The following SLC30A7 variants were observed in gnomAD, a reference collection of about 807,000 sequenced individuals.
The protein encoded by SLC30A7 is solute carrier family 30 member 7.
SLC30A7 carries 35 observed loss-of-function variants against 46.0 expected under a neutral mutation model. The observed-to-expected ratio is 0.76, with a 90% CI of 0.58 to 1.01. The LOEUF (loss-of-function observed/expected upper bound fraction) is 1.01. Ranked by LOEUF, SLC30A7 falls within the 50% of genes least tolerant of loss-of-function variation. SLC30A7 has a pLI of 0.00. For missense variants in SLC30A7, 464 were observed against 451.1 expected (o/e 1.03, Z -0.26); for synonymous variants, 147 against 157.8 (o/e 0.93, Z 0.51).
downstream of SLC30A7, among the ~76,000 whole-genome samples, chr1:100,982,125 C>T (rs1406382347): frequency 1.3e-5 from 2 of 152,220 alleles, no homozygotes; most frequent in Non-Finnish European, 2.9e-5. Flanking sequence ...AAATTTTTCC[C>T]TCTGATTAGA....
rs532343819 is a variant in SLC30A7, at chr1:100,975,428, T to C, written c.*571T>C. The C allele has an allele frequency of 6.5e-6, 1 of 152,708 alleles. No homozygotes were observed. Among genetic ancestry groups the C allele is most frequent in the African/African-American group, 2.4e-5 (1 of 41,478 alleles). The allele number at this position is 152,708 out of a possible 1,614,324, so 9.5% of individuals were successfully genotyped here. On this transcript the variant is annotated 3_prime_UTR_variant, in exon 11 of 11. Transcript: ENST00000357650. ...AAATTGTTTGTACCTTGCAAACTTATGAACCAAACCATATTGGGTTTTCAA... is the reference window on the plus strand; with the variant it reads ...AAATTGTTTGTACCTTGCAAACTTACGAACCAAACCATATTGGGTTTTCAA...
At chr1:100,942,437 A>G (rs1557996369) in intron 8 of SLC30A7, among the ~76,000 whole-genome samples, 1 of 152,222 alleles carries the variant, frequency 6.6e-6, no homozygotes, top group Admixed American at 6.5e-5. Flanking sequence ...CTCTATGGAA[A>G]AAACACTCAA....
At chr1:100,906,682 A>C (rs77463911) in intron 2 of SLC30A7, among the ~76,000 whole-genome samples, 170 bp from the exon 3 acceptor site, 2,040 of 152,188 alleles carry the variant, frequency 0.013, 55 homozygotes, top group African/African-American at 0.045. Flanking sequence ...ACGAGGGTTT[A>C]CTTTTTAGAT....
At chr1:100,932,701 C>A (rs1179921924) in intron 8 of SLC30A7, among the ~76,000 whole-genome samples, 1 of 151,924 alleles carries the variant, frequency 6.6e-6, no homozygotes, top group Non-Finnish European at 1.5e-5. Flanking sequence ...TTAGAGTGTT[C>A]TAGAGAAGTG....
chr1:100,973,512 T>G (rs983698901), intron 10 of SLC30A7, among the ~76,000 whole-genome samples: 5 of 152,144 alleles, frequency 3.3e-5, no homozygotes, highest in African/African-American at 1.2e-4. Context: ...GAGTCAGCAA[T>G]GTAAAGAAGA....
chr1:100,971,944 C>T (rs902822993), intron 10 of SLC30A7, among the ~76,000 whole-genome samples: 1 of 152,076 alleles, frequency 6.6e-6, no homozygotes, highest in Non-Finnish European at 1.5e-5. Flanking sequence ...CCTATAGCAC[C>T]AGGTTAACAT....
intron 6 of SLC30A7, 48 bp from the exon 7 acceptor site, chr1:100,918,029 T>G: frequency 6.6e-7 from 1 of 1,514,486 alleles, no homozygotes. Context: ...TGTAAAAACT[T>G]GAATGAGGAA....
intron 2 of SLC30A7, among the ~76,000 whole-genome samples, chr1:100,902,445 G>T (rs952553251): frequency 5.9e-4 from 90 of 151,920 alleles, no homozygotes; most frequent in African/African-American, 2.0e-3. Context: ...TTTATGTTGG[G>T]TGCATATAAA....
At chr1:100,943,215 T>G (rs527458347) in intron 8 of SLC30A7, among the ~76,000 whole-genome samples, 2 of 152,332 alleles carry the variant, frequency 1.3e-5, no homozygotes, top group African/African-American at 4.8e-5. Flanking sequence ...TGCTTCTGAC[T>G]GACCGGCTAT....
chr1:100,929,518 T>C (rs1379880532), intron 8 of SLC30A7, among the ~76,000 whole-genome samples: 2 of 152,118 alleles, frequency 1.3e-5, no homozygotes, highest in Non-Finnish European at 2.9e-5. Context: ...GAAGTATTTT[T>C]CCCTACCATT....
Position 100,981,188 on chromosome 1 carries a change from A to C in SLC30A7, c.*6331A>C, listed in dbSNP as rs1049181377. ...GTTTATGTATCACATACTGTGCTACAGTTAGCCTCAATGAAGATTCTATTT... is the reference window on the plus strand; with the variant it reads ...GTTTATGTATCACATACTGTGCTACCGTTAGCCTCAATGAAGATTCTATTT... On this transcript the variant is annotated 3_prime_UTR_variant, in exon 11 of 11. Coordinates refer to ENST00000357650, the MANE Select transcript of SLC30A7 (RefSeq NM_133496.5). The C allele has an allele frequency of 2.6e-5, 4 of 152,132 alleles. No homozygotes were observed. Among genetic ancestry groups the C allele is most frequent in the African/African-American group, 7.2e-5 (3 of 41,462 alleles). 9.4% of individuals were successfully genotyped at this position (152,132 alleles called of 1,614,324 possible). A position where few individuals can be genotyped will look rare whatever the true frequency, so the allele number is the denominator to read the frequency against.
At chr1:100,954,090 G>GTA (rs1655099300) in intron 8 of SLC30A7, among the ~76,000 whole-genome samples, 1 of 152,182 alleles carries the variant, frequency 6.6e-6, no homozygotes, top group African/African-American at 2.4e-5. Flanking sequence ...GAATTTCTAA[G>GTA]TATATAATAC....
intron 9 of SLC30A7, among the ~76,000 whole-genome samples, chr1:100,962,296 G>T (rs1244942039): frequency 6.6e-6 from 1 of 152,036 alleles, no homozygotes; most frequent in East Asian, 1.9e-4. Context: ...ACAGTCCAGT[G>T]GGGAAATACA....
At chr1:100,960,981 G>A (rs1655513657) in intron 8 of SLC30A7, among the ~76,000 whole-genome samples, 1 of 125,154 alleles carries the variant, frequency 8.0e-6, no homozygotes, top group African/African-American at 3.1e-5. Flanking sequence ...TAGACGGAGA[G>A]TCTCGCTCTG....
At chr1:100,966,879 G>C (rs1170946765) in intron 10 of SLC30A7, among the ~76,000 whole-genome samples, 1 of 152,108 alleles carries the variant, frequency 6.6e-6, no homozygotes, top group African/African-American at 2.4e-5. Flanking sequence ...CAAAACTATG[G>C]TCACCTACTG....
rs1467451629 is a variant in SLC30A7 at position 100,912,175 on chromosome 1, G to T, written c.448G>T (p.Val150Leu). The T allele has an allele frequency of 1.9e-6, 3 of 1,613,790 alleles. No homozygotes were observed. The highest frequency in any genetic ancestry group is 2.5e-6 in the Non-Finnish European group (3 of 1,179,814). The change falls in exon 5 of 11, where the codon GTG (valine) becomes TTG (leucine). Residue 150 changes from valine to leucine, a missense_variant. By Grantham distance (32) the Val-to-Leu change is conservative. Coordinates refer to ENST00000357650, the MANE Select transcript of SLC30A7 (RefSeq NM_133496.5). Reference sequence around the variant, plus strand: ...GCTTCTTGTTTCCATTCTTGGGTTTGTGGTAAACCTAATAGGAATATTTGT... The same window carrying T: ...GCTTCTTGTTTCCATTCTTGGGTTTTTGGTAAACCTAATAGGAATATTTGT... ...RLLLVSILGF[V>L]VNLIGIFVFK...
chr1:100,969,197 C>T (rs1027971548), intron 10 of SLC30A7, among the ~76,000 whole-genome samples: 1 of 152,196 alleles, frequency 6.6e-6, no homozygotes, highest in Non-Finnish European at 1.5e-5. Context: ...TATATCATGA[C>T]ATTCATAATG....
intron 8 of SLC30A7, among the ~76,000 whole-genome samples, chr1:100,932,244 A>G (rs957690654): frequency 6.6e-6 from 1 of 151,974 alleles, no homozygotes; most frequent in African/African-American, 2.4e-5. Context: ...GTGAAACCCC[A>G]TCTCTACTAA....
the SLC30A7 span, among the ~76,000 whole-genome samples, chr1:100,994,124 T>C: frequency 5.3e-5 from 8 of 152,148 alleles, no homozygotes; most frequent in Admixed American, 1.3e-4. Context: ...ATTAAAGAGA[T>C]TGTTTTTATA....
Sources: gnomAD v4.1 joint callset for allele counts (sites outside exome capture counted in the v4.1 genomes callset) on GRCh38, gnomAD v4.1.1 for gene constraint, MANE v1.5 for transcripts, NCBI Gene and HGNC (gene_info 2026-07-23, HGNC 2026-07-21) for gene names.